SGCG: variants seen among roughly 807,000 people sequenced by gnomAD.
SGCG encodes the protein sarcoglycan gamma, also known as gamma-sarcoglycan.
Under a neutral mutation model 29.3 loss-of-function variants are expected in SGCG, and 26 were observed. The ratio of observed to expected loss-of-function variants is 0.89; its 90% CI spans 0.65 to 1.23. The LOEUF (loss-of-function observed/expected upper bound fraction) is 1.23. Ranked by LOEUF, SGCG falls within the 50% of genes most tolerant of loss-of-function variation. The probability of loss-of-function intolerance (pLI) is 0.00; values close to 1 mark genes in which losing one functional copy is unlikely to be tolerated. For missense variants in SGCG, 353 were observed against 356.0 expected (o/e 0.99, Z 0.07); for synonymous variants, 145 against 129.7 (o/e 1.12, Z -0.80).
chr13:23,235,701 A>G lies in SGCG; in HGVS notation c.297+989A>G, dbSNP rs575863656. Among the ~76,000 whole-genome samples the G allele has an allele frequency of 2.6e-5, 4 of 152,352 alleles. No homozygotes were observed. The South Asian group carries it at 8.3e-4, about 32-fold the overall frequency. On this transcript the variant is annotated intron_variant, in intron 3 of 7. Transcript: ENST00000218867. Reference sequence around the variant, plus strand: ...ATGGCATTACCTCCCTGACGCACAAAAAGTTAAAACTTCACCCAGCTATAA... The same window carrying G: ...ATGGCATTACCTCCCTGACGCACAAGAAGTTAAAACTTCACCCAGCTATAA...
chr13:23,217,317 A>G (rs1029780829), intron 2 of SGCG: 1 of 152,134 alleles, frequency 6.6e-6, no homozygotes, highest in East Asian at 1.9e-4. Flanking sequence ...CTAGTGTTTT[A>G]GAACCCAACA....
chr13:23,250,773 A>G (rs1879933668), intron 4 of SGCG, 56 bp downstream of exon 4: 1 of 959,480 alleles, frequency 1.0e-6, no homozygotes, highest in East Asian at 2.4e-5. Context: ...AATAGTGCTA[A>G]ATGAATGCAT....
Position 23,299,435 on chromosome 13 carries a change from TATATATA to T in SGCG, c.578+3949_578+3955del, listed in dbSNP as rs1882045351. On this transcript the variant is annotated intron_variant, in intron 6 of 7. Coordinates refer to ENST00000218867, the MANE Select transcript of SGCG (RefSeq NM_000231.3). ...ATATATATATATATATATATATATA[TATATATA>T]TATATATATATATATTTTTTTTTTT... Among the ~76,000 whole-genome samples, 18 of 20,184 alleles carry T rather than the reference TATATATA, an allele frequency of 8.9e-4. 2 individuals carry two copies. Among genetic ancestry groups the T allele is most frequent in the African/African-American group, 2.1e-3 (15 of 7,254 alleles). 13.2% of individuals were successfully genotyped at this position (20,184 alleles called of 152,430 possible).
intron 5 of SGCG, among the ~76,000 whole-genome samples, chr13:23,284,985 C>T (rs1593219597): frequency 6.6e-6 from 1 of 152,192 alleles, no homozygotes; most frequent in Non-Finnish European, 1.5e-5. Context: ...CTGGAAGTTT[C>T]GTCCCAGAGG....
intron 6 of SGCG, among the ~76,000 whole-genome samples, chr13:23,318,150 C>G (rs1428572193): frequency 6.6e-6 from 1 of 152,090 alleles, no homozygotes; most frequent in Non-Finnish European, 1.5e-5. Context: ...ACCTTGTGAT[C>G]ATGTAAGTTA....
intron 4 of SGCG, among the ~76,000 whole-genome samples, chr13:23,260,721 G>A (rs1276836474): frequency 6.6e-6 from 1 of 152,142 alleles, no homozygotes; most frequent in East Asian, 1.9e-4. Context: ...TCCTTCAGGA[G>A]CTCTTGTAAG....
chr13:23,177,870 C>T (rs569958082), upstream of SGCG, among the ~76,000 whole-genome samples: 6 of 151,970 alleles, frequency 3.9e-5, no homozygotes, highest in Non-Finnish European at 5.9e-5. Context: ...TGAGCCACCA[C>T]GCCCGGCCTG....
chr13:23,277,101 T>C (rs1881107177), intron 4 of SGCG, among the ~76,000 whole-genome samples: 1 of 152,240 alleles, frequency 6.6e-6, no homozygotes, highest in Non-Finnish European at 1.5e-5. Context: ...TAAACTTATT[T>C]GTTGACTATT....
chr13:23,218,680 G>C (rs1878526148), intron 2 of SGCG, among the ~76,000 whole-genome samples: 1 of 151,932 alleles, frequency 6.6e-6, no homozygotes, highest in African/African-American at 2.4e-5. Context: ...ATTGAACAGA[G>C]ATTGGACATG....
chr13:23,290,991 C>T (rs150433393), intron 5 of SGCG, among the ~76,000 whole-genome samples: 16 of 152,270 alleles, frequency 1.1e-4, no homozygotes, highest in African/African-American at 3.9e-4. Context: ...CGTCTCAATC[C>T]ATCTTGCACC....
chr13:23,215,800 TA>T (rs34236900), intron 2 of SGCG, among the ~76,000 whole-genome samples: 48,293 of 145,700 alleles, frequency 0.33, 8,221 homozygotes, highest in Middle Eastern at 0.49. Flanking sequence ...AGCTGAGAGT[TA>T]AAAAAAAAAA....
At chr13:23,190,464 AT>A (rs1877199760) in intron 1 of SGCG, among the ~76,000 whole-genome samples, 1 of 152,164 alleles carries the variant, frequency 6.6e-6, no homozygotes, top group African/African-American at 2.4e-5. Context: ...TTCTGGGAGC[AT>A]TGTATTTTCC....
At chr13:23,198,845 CAA>C (rs34460964) in intron 1 of SGCG, among the ~76,000 whole-genome samples, 2,751 of 111,396 alleles carry the variant, frequency 0.025, 34 homozygotes, top group Middle Eastern at 0.049. Context: ...GACTCCATCT[CAA>C]AAAAAAAAAA....
chr13:23,265,707 G>C (rs1880611525), intron 4 of SGCG, among the ~76,000 whole-genome samples: 2 of 152,100 alleles, frequency 1.3e-5, no homozygotes. Context: ...TGCAAATTAA[G>C]ACCACAATGA....
At chr13:23,207,835 C>T (rs963368434) in intron 2 of SGCG, among the ~76,000 whole-genome samples, 1 of 152,052 alleles carries the variant, frequency 6.6e-6, no homozygotes, top group African/African-American at 2.4e-5. Flanking sequence ...TTGGAACCCT[C>T]GTGCACTGTT....
chr13:23,225,931 GT>G (rs1474979137), intron 2 of SGCG, among the ~76,000 whole-genome samples: 1 of 152,074 alleles, frequency 6.6e-6, no homozygotes, highest in Non-Finnish European at 1.5e-5. Flanking sequence ...CCCTTTCTAT[GT>G]TTGTACCTTC....
At chr13:23,317,887 G>T (rs1325847695) in intron 6 of SGCG, among the ~76,000 whole-genome samples, 1 of 152,124 alleles carries the variant, frequency 6.6e-6, no homozygotes, top group Admixed American at 6.6e-5. Context: ...TGTCTGTGAG[G>T]GTGTTGCCAA....
chr13:23,310,922 A>T (rs1426016227), intron 6 of SGCG, among the ~76,000 whole-genome samples: 2 of 151,928 alleles, frequency 1.3e-5, no homozygotes, highest in East Asian at 1.9e-4. Context: ...CATTGCTTTT[A>T]TTCATCTCCC....
intron 3 of SGCG, chr13:23,245,431 T>C (rs1879671239): frequency 6.6e-6 from 1 of 152,044 alleles, no homozygotes; most frequent in South Asian, 2.1e-4. Flanking sequence ...GGAGATGACA[T>C]GCCAAAAGGA....
Sources: gnomAD v4.1 joint callset for allele counts (sites outside exome capture counted in the v4.1 genomes callset) on GRCh38, gnomAD v4.1.1 for gene constraint, MANE v1.5 for transcripts, NCBI Gene and HGNC (gene_info 2026-07-23, HGNC 2026-07-21) for gene names.